Variants in ATPAF2 observed in about 807,000 individuals in gnomAD.
ATPAF2 encodes ATP12 homolog.
A neutral mutation model predicts 36.6 loss-of-function variants in ATPAF2; 30 were observed. That is an observed-to-expected ratio of 0.82 (90% CI 0.61 to 1.11). The LOEUF (loss-of-function observed/expected upper bound fraction) is 1.11. ATPAF2 is among the 50% of genes most tolerant of loss of function. The pLI is 0.00. For synonymous variants in ATPAF2, 140 were observed against 152.6 expected, an observed-to-expected ratio of 0.92 and a Z score of 0.61; for missense variants, 321 against 372.3, an observed-to-expected ratio of 0.86 and a Z score of 1.13.
rs77980072 is a variant in ATPAF2, at chr17:18,018,093, A to G, written c.*456T>C. 3.4e-3 allele frequency: 725 copies of G among 212,776 alleles called. 7 individuals are homozygous for G. The highest frequency in any genetic ancestry group is 0.016 in the African/African-American group (696 of 43,820). 13.2% of individuals were successfully genotyped at this position (212,776 alleles called of 1,614,324 possible). On this transcript the variant is annotated 3_prime_UTR_variant, in exon 8 of 8. Transcript: ENST00000474627. ...CAGGCTGAGGCTGAAGAACACAAAT[A>G]GAGTTGTCTGTGGATTACATGATTG... is the stretch of plus-strand genomic sequence containing the variant.
At chr17:18,016,432 G>A (rs1298239595), downstream of ATPAF2, 5 of 800,430 alleles carry the variant, frequency 6.2e-6, no homozygotes, top group Admixed American at 2.7e-5. Context: ...AACCTGGGGA[G>A]GCGCTGAAGC....
In ATPAF2 at chr17:18,039,025, G is replaced by A. The variant is rs1367495582; in HGVS notation, c.-12C>T. The A allele has an allele frequency of 1.9e-6, 3 of 1,591,182 alleles. No homozygotes were observed. In the African/African-American group the frequency reaches 4.0e-5, roughly 21 times the overall value. The stretch of plus-strand genomic sequence containing the variant: ...CAGCTCCTCCACATCGCGCCCGAGG[G>A]TCTGGGAAGATGCGAGACGCGAAAC... On this transcript the variant is annotated 5_prime_UTR_variant, in exon 1 of 8. Transcript: ENST00000474627. This position sits in a 1 kb window ranked among gnomAD's most constrained non-coding sequence, Gnocchi z 5.3.
downstream of ATPAF2, chr17:18,016,399 C>T (rs2044365043): frequency 1.3e-6 from 1 of 782,756 alleles, no homozygotes; most frequent in Admixed American, 2.8e-5. Context: ...TAATTCCTAC[C>T]TCAAATATAC....
At chr17:18,022,464 CAG>C (rs376315225) in intron 5 of ATPAF2, among the ~76,000 whole-genome samples, 34 of 152,080 alleles carry the variant, frequency 2.2e-4, no homozygotes, top group African/African-American at 8.2e-4. Context: ...TTTGTAGAGA[CAG>C]AGTTTCACCA....
intron 1 of ATPAF2, among the ~76,000 whole-genome samples, chr17:18,033,107 G>A (rs925421397): frequency 8.5e-5 from 13 of 152,062 alleles, no homozygotes; most frequent in Non-Finnish European, 1.5e-4. Flanking sequence ...GGTGGCTCAT[G>A]CCTGTAATCC....
intron 7 of ATPAF2, among the ~76,000 whole-genome samples, chr17:18,019,640 G>C (rs934428538): frequency 2.1e-5 from 3 of 145,766 alleles, no homozygotes; most frequent in Non-Finnish European, 3.0e-5. Context: ...TCCAGACAGT[G>C]TAAGTCCAAC....
chr17:18,030,422 G>C (rs1271212065), intron 1 of ATPAF2, among the ~76,000 whole-genome samples: 2 of 148,576 alleles, frequency 1.3e-5, no homozygotes, highest in African/African-American at 4.9e-5. Flanking sequence ...CAGGAAGATT[G>C]CTTGAGCCCA....
intron 1 of ATPAF2, among the ~76,000 whole-genome samples, chr17:18,033,600 C>T (rs769363503): frequency 1.8e-4 from 27 of 152,024 alleles, no homozygotes; most frequent in Non-Finnish European, 3.4e-4. Context: ...TTACCAGCCT[C>T]AGGAACCACA....
At chr17:18,023,382 C>T (rs899078516) in intron 5 of ATPAF2, among the ~76,000 whole-genome samples, 29 of 152,128 alleles carry the variant, frequency 1.9e-4, no homozygotes, top group African/African-American at 7.0e-4. Flanking sequence ...GAGCCAAGAT[C>T]GCATCACTGC....
intron 7 of ATPAF2, 24 bp from the exon 8 acceptor site, chr17:18,018,710 G>T (rs1205326477): frequency 6.2e-7 from 1 of 1,613,808 alleles, no homozygotes. Context: ...AAGACAAGTT[G>T]CTGGGTGAGT....
chr17:18,015,171 T>C (rs945845246), downstream of ATPAF2: 26 of 152,252 alleles, frequency 1.7e-4, no homozygotes, highest in African/African-American at 6.0e-4. Flanking sequence ...CCAAATGTAT[T>C]TGACCAAAGA....
At chr17:18,017,392 C>T (rs75362590), downstream of ATPAF2, among the ~76,000 whole-genome samples, 2,235 of 152,234 alleles carry the variant, frequency 0.015, 53 homozygotes, top group African/African-American at 0.052. Context: ...AAAAGGAGGC[C>T]GGTGTGGGCT....
At chr17:18,026,240 T>A in intron 4 of ATPAF2, 79 bp downstream of exon 4, 1 of 1,335,590 alleles carries the variant, frequency 7.5e-7, no homozygotes, top group Non-Finnish European at 1.1e-6. Context: ...GAGGGTTTCT[T>A]CTTCCACTGA....
intron 1 of ATPAF2, among the ~76,000 whole-genome samples, chr17:18,037,611 G>GA (rs1178945798): frequency 2.7e-5 from 4 of 150,344 alleles, no homozygotes; most frequent in Non-Finnish European, 5.9e-5. Context: ...AGAAGAAGAA[G>GA]AAAAAAAAAG....
downstream of ATPAF2, chr17:18,016,975 C>T: frequency 4.7e-6 from 1 of 212,918 alleles, no homozygotes; most frequent in South Asian, 7.2e-5. Flanking sequence ...AGTTCGAGAC[C>T]AGCCTGACCA....
chr17:18,021,374 G>C, intron 6 of ATPAF2, 136 bp from the exon 7 acceptor site: 2 of 750,552 alleles, frequency 2.7e-6, no homozygotes, highest in Admixed American at 2.0e-5. Flanking sequence ...CCACTCTTCT[G>C]AAAGAGCACT....
chr17:18,028,532 G>A (rs2044580468), intron 2 of ATPAF2, 83 bp downstream of exon 2: 1 of 1,421,328 alleles, frequency 7.0e-7, no homozygotes, highest in South Asian at 1.2e-5. Flanking sequence ...ATCGCACCAT[G>A]AAACCAGCTG....
At chr17:18,030,730 C>T (rs1237380452) in intron 1 of ATPAF2, among the ~76,000 whole-genome samples, 2 of 143,984 alleles carry the variant, frequency 1.4e-5, no homozygotes, top group Non-Finnish European at 3.0e-5. Flanking sequence ...TGCAGTAGCG[C>T]GATCTCAGCT....
chr17:18,028,451 T>C, intron 2 of ATPAF2, 74 bp from the exon 3 acceptor site: 1 of 1,593,074 alleles, frequency 6.3e-7, no homozygotes, highest in Non-Finnish European at 8.6e-7. Flanking sequence ...ATTTAGCCAC[T>C]TGAATTGGTG....
Sources: allele counts gnomAD v4.1 joint callset (sites outside exome capture counted in the v4.1 genomes callset), GRCh38; gene constraint gnomAD v4.1.1; non-coding constraint Gnocchi (gnomAD v3.1); transcripts MANE v1.5; gene names NCBI Gene and HGNC (gene_info 2026-07-23, HGNC 2026-07-21).